The following NRG1 variants were observed in gnomAD, a reference collection of about 807,000 sequenced individuals.
NRG1 encodes neuregulin 1.
NRG1 carries 18 observed loss-of-function variants against 63.8 expected under a neutral mutation model. The observed-to-expected ratio is 0.28, with a 90% CI of 0.19 to 0.42. The LOEUF is 0.42. NRG1 is among the 10% of genes least tolerant of loss of function. The probability of loss-of-function intolerance (pLI) is 1.00; values close to 1 mark genes in which losing one functional copy is unlikely to be tolerated. For missense variants in NRG1, 762 were observed against 814.7 expected (o/e 0.94, Z 0.79); for synonymous variants, 302 against 301.3 (o/e 1.00, Z -0.02).
At chr8:32,478,112 G>A (rs1434096776) in intron 1 of NRG1, among the ~76,000 whole-genome samples, 1 of 152,234 alleles carries the variant, frequency 6.6e-6, no homozygotes, top group East Asian at 1.9e-4. Context: ...CCAGGCAAAT[G>A]AGAAATAAAA....
At chr8:32,195,782 A>T (rs576732040) in intron 1 of NRG1, among the ~76,000 whole-genome samples, 1 of 152,286 alleles carries the variant, frequency 6.6e-6, no homozygotes, top group South Asian at 2.1e-4. Context: ...GTAGACATTG[A>T]ATACTATGTT....
chr8:31,818,586 A>G (rs1031772867), intron 1 of NRG1, among the ~76,000 whole-genome samples: 22 of 152,210 alleles, frequency 1.4e-4, no homozygotes, highest in African/African-American at 5.1e-4. Flanking sequence ...GCAGTTCACA[A>G]TAGGGTTCGT....
chr8:32,629,812 C>T (rs1221248453), intron 5 of NRG1, among the ~76,000 whole-genome samples: 10 of 152,156 alleles, frequency 6.6e-5, no homozygotes, highest in South Asian at 4.2e-4. Flanking sequence ...ATTAACTGGT[C>T]GCTGTTCCTC....
intron 1 of NRG1, among the ~76,000 whole-genome samples, chr8:31,694,970 A>G (rs1316303856): frequency 2.0e-5 from 3 of 152,190 alleles, no homozygotes; most frequent in Non-Finnish European, 4.4e-5. Context: ...TTGCACTGCT[A>G]TAAAGAATTA....
At chr8:31,724,580 G>T (rs1483942785) in intron 1 of NRG1, among the ~76,000 whole-genome samples, 2 of 151,694 alleles carry the variant, frequency 1.3e-5, no homozygotes, top group Admixed American at 6.6e-5. Flanking sequence ...ACTTTTGGTT[G>T]TTGTATTGAG....
chr8:32,161,265 G>A lies in NRG1; in HGVS notation c.38-434563G>A, dbSNP rs545035138. ...TTGATGAATTCTCATCTCAAATTCCGAATGAATAAACAATGAGAAATGGGA... is the reference window on the plus strand; with the variant it reads ...TTGATGAATTCTCATCTCAAATTCCAAATGAATAAACAATGAGAAATGGGA... On this transcript the variant is annotated intron_variant, in intron 1 of 10. Transcript: ENST00000519301. Among the ~76,000 whole-genome samples, 15 of 152,114 alleles carry A rather than the reference G, an allele frequency of 9.9e-5. No individual in the cohort carries two copies. In the East Asian group the frequency reaches 2.3e-3, roughly 24 times the overall value.
At chr8:32,544,847 G>C (rs935490077), upstream of NRG1, among the ~76,000 whole-genome samples, 4 of 151,978 alleles carry the variant, frequency 2.6e-5, no homozygotes, top group African/African-American at 7.3e-5. Context: ...TTCAGTAAAT[G>C]CTTGGTGAAT....
chr8:32,582,695 T>C (rs564337302), intron 1 of NRG1, among the ~76,000 whole-genome samples: 52 of 152,284 alleles, frequency 3.4e-4, no homozygotes, highest in African/African-American at 1.2e-3. Flanking sequence ...CAACCTGACT[T>C]CAAAGCCCAA....
At chr8:31,875,506 A>ATTGAGACC (rs1829844438) in intron 1 of NRG1, among the ~76,000 whole-genome samples, 2 of 152,270 alleles carry the variant, frequency 1.3e-5, no homozygotes, top group South Asian at 4.1e-4. Context: ...TTGATTAATA[A>ATTGAGACC]TTGAGACCTA....
intron 1 of NRG1, among the ~76,000 whole-genome samples, chr8:32,412,967 A>G (rs1167817591): frequency 2.0e-5 from 3 of 152,158 alleles, no homozygotes; most frequent in East Asian, 3.9e-4. Flanking sequence ...GAAATTATAC[A>G]TAGACTGGTT....
chr8:31,978,511 T>G (rs767988323), intron 1 of NRG1, among the ~76,000 whole-genome samples: 6 of 152,098 alleles, frequency 3.9e-5, no homozygotes, highest in Non-Finnish European at 7.4e-5. Context: ...TTTCATGTCT[T>G]TCTACTTTTA....
chr8:32,315,219 G>T (rs1202027734), intron 1 of NRG1, among the ~76,000 whole-genome samples: 1 of 152,144 alleles, frequency 6.6e-6, no homozygotes, highest in Non-Finnish European at 1.5e-5. Flanking sequence ...TTAGCTGTTT[G>T]TCATAGTGCT....
intron 1 of NRG1, among the ~76,000 whole-genome samples, chr8:32,406,388 G>A (rs1051683294): frequency 1.3e-5 from 2 of 152,140 alleles, no homozygotes; most frequent in East Asian, 3.9e-4. Flanking sequence ...TTCAAAGGTT[G>A]TTGTGAAGAT....
At chr8:32,761,135 T>A in intron 11 of NRG1, 2 of 230,044 alleles carry the variant, frequency 8.7e-6, no homozygotes, top group Non-Finnish European at 1.4e-5. Context: ...TGGAGGAAAG[T>A]AAACAAAGAG....
At chr8:32,523,844 G>A (rs1286642931) in intron 1 of NRG1, among the ~76,000 whole-genome samples, 3 of 151,932 alleles carry the variant, frequency 2.0e-5, no homozygotes, top group Non-Finnish European at 2.9e-5. Context: ...CTCTGTCTCT[G>A]AATAACTAAC....
chr8:32,565,617 T>C (rs1837305167), intron 1 of NRG1, among the ~76,000 whole-genome samples: 1 of 152,236 alleles, frequency 6.6e-6, no homozygotes, highest in African/African-American at 2.4e-5. Flanking sequence ...TTTCAAGGAC[T>C]GTTTTCCCCC....
rs1563248779 is a variant in NRG1 at position 31,643,043 on chromosome 8, G to C, written c.37+3612G>C. Among the ~76,000 whole-genome samples the C allele has an allele frequency of 2.0e-5, 3 of 152,156 alleles. No homozygotes were observed. In the South Asian group the frequency reaches 6.2e-4, roughly 32 times the overall value. ...ATGTGTGAATTCATCCAGTTGTGTG[G>C]TGTCAGATAATGCCATTCAGAATTT... On this transcript the variant is annotated intron_variant, in intron 1 of 10. Transcript: ENST00000519301.
At chr8:32,454,683 G>A (rs948343056) in intron 1 of NRG1, among the ~76,000 whole-genome samples, 3 of 145,676 alleles carry the variant, frequency 2.1e-5, no homozygotes, top group East Asian at 2.2e-4. Context: ...ATGAGCCACC[G>A]TGCCTGGCCA....
chr8:31,837,906 G>C (rs546646528), intron 1 of NRG1, among the ~76,000 whole-genome samples: 1 of 152,092 alleles, frequency 6.6e-6, no homozygotes, highest in East Asian at 1.9e-4. Context: ...GGTGGATTCT[G>C]TATTTCACTA....
Sources: gnomAD v4.1 joint callset for allele counts (sites outside exome capture counted in the v4.1 genomes callset) on GRCh38, gnomAD v4.1.1 for gene constraint, MANE v1.5 for transcripts, NCBI Gene and HGNC (gene_info 2026-07-23, HGNC 2026-07-21) for gene names.